The following SAFB variants were observed in gnomAD, a reference collection of about 807,000 sequenced individuals.
The protein encoded by SAFB is scaffold attachment factor B1.
In SAFB, 15 loss-of-function variants were observed where a neutral mutation model predicts 101.6. The observed-to-expected ratio is 0.15, with a 90% CI of 0.10 to 0.23. SAFB has a LOEUF of 0.23. SAFB is among the 10% of genes least tolerant of loss of function. The probability of loss-of-function intolerance (pLI) is 1.00; values close to 1 mark genes in which losing one functional copy is unlikely to be tolerated. For missense variants in SAFB, 930 were observed against 1,104.1 expected (o/e 0.84, Z 2.23); for synonymous variants, 449 against 407.5 (o/e 1.10, Z -1.23).
chr19:5,667,311 G>T lies in SAFB; in HGVS notation c.2454-36G>T. 1.4e-6 allele frequency: 2 copies of T among 1,422,276 alleles called. No individual in the cohort carries two copies. The highest frequency in any genetic ancestry group is 1.9e-6 in the Non-Finnish European group (2 of 1,065,700). 88.1% of individuals were successfully genotyped at this position (1,422,276 alleles called of 1,614,324 possible). ...AGTTATTAGCACAAGAGCCAGAGAT[G>T]GGGGCAATCCAAATCAGAGATGTCT... is the stretch of plus-strand genomic sequence containing the variant. On this transcript the variant is annotated intron_variant, in intron 18 of 20. Coordinates refer to ENST00000588852, the MANE Select transcript of SAFB (RefSeq NM_001201338.2). The surrounding 1 kb of genome is among the most constrained non-coding windows in gnomAD (Gnocchi z 4.0).
chr19:5,663,456 GTT>G, intron 15 of SAFB, among the ~76,000 whole-genome samples: 1 of 152,308 alleles, frequency 6.6e-6, no homozygotes, highest in Middle Eastern at 3.4e-3. Flanking sequence ...GCTGTTTGTT[GTT>G]TCTTTCTATT....
At chr19:5,641,568 C>T in intron 2 of SAFB, 26 bp from the exon 3 acceptor site, 1 of 1,600,694 alleles carries the variant, frequency 6.2e-7, no homozygotes, top group South Asian at 1.1e-5. Flanking sequence ...CATTTGATCT[C>T]ATGCTGTAAA....
chr19:5,629,328 G>A (rs1254002554), intron 2 of SAFB, among the ~76,000 whole-genome samples: 1 of 152,160 alleles, frequency 6.6e-6, no homozygotes, highest in East Asian at 1.9e-4. Flanking sequence ...CTACTAGGGA[G>A]GCCAAGGTAG....
At chr19:5,662,029 C>T (rs2054221557) in intron 15 of SAFB, among the ~76,000 whole-genome samples, 2 of 152,054 alleles carry the variant, frequency 1.3e-5, no homozygotes, top group South Asian at 4.1e-4. Flanking sequence ...GGACTACAGG[C>T]GTTTGCCACC....
Position 5,667,987 on chromosome 19 carries a change from C to G in SAFB, c.2624+101C>G. The G allele has an allele frequency of 6.9e-7, 1 of 1,439,570 alleles. No homozygotes were observed. The highest frequency in any genetic ancestry group is 2.3e-5 in the East Asian group (1 of 43,354). 89.2% of individuals were successfully genotyped at this position (1,439,570 alleles called of 1,614,324 possible). A position where few individuals can be genotyped will look rare whatever the true frequency, so the allele number is the denominator to read the frequency against. On this transcript the variant is annotated intron_variant, in intron 20 of 20. Transcript: ENST00000588852. This position sits in a 1 kb window ranked among gnomAD's most constrained non-coding sequence, Gnocchi z 4.0. Reference sequence around the variant, plus strand: ...AGTCCTTCCAGCTAGTGCCCCTCCCCCCAAGGGTGACGTGAGGCCAGGCAT... The same window carrying G: ...AGTCCTTCCAGCTAGTGCCCCTCCCGCCAAGGGTGACGTGAGGCCAGGCAT...
rs984561710 is a variant in SAFB, at chr19:5,659,099, G to A, written c.1862+1752G>A. Among the ~76,000 whole-genome samples the A allele has an allele frequency of 2.5e-3, 373 of 150,270 alleles. 1 individual carries two copies. Among genetic ancestry groups the A allele is most frequent in the African/African-American group, 8.8e-3 (359 of 40,878 alleles). The stretch of plus-strand genomic sequence containing the variant: ...GGAGGTTGCAGTGAGCCGAGATTGC[G>A]CCACTGCACTCCAACCTGGGTGACA... On this transcript the variant is annotated intron_variant, in intron 14 of 20. Coordinates refer to ENST00000588852, the MANE Select transcript of SAFB (RefSeq NM_001201338.2).
At chr19:5,624,691 T>G (rs2053311464) in intron 1 of SAFB, among the ~76,000 whole-genome samples, 1 of 141,238 alleles carries the variant, frequency 7.1e-6, no homozygotes, top group Non-Finnish European at 1.6e-5. Context: ...GTAGGGATTT[T>G]TTTTTTTTTT....
At chr19:5,663,002 A>T (rs936395716) in intron 15 of SAFB, among the ~76,000 whole-genome samples, 24 of 150,418 alleles carry the variant, frequency 1.6e-4, no homozygotes, top group East Asian at 4.0e-4. Context: ...ATAAAGAATT[A>T]AAAAAAAATT....
chr19:5,634,591 G>A (rs528270863), intron 2 of SAFB, among the ~76,000 whole-genome samples: 1 of 152,236 alleles, frequency 6.6e-6, no homozygotes, highest in South Asian at 2.1e-4. Flanking sequence ...AGAAAGGTAT[G>A]CAACAGTCTG....
intron 2 of SAFB, among the ~76,000 whole-genome samples, chr19:5,640,991 G>A (rs549102492): frequency 4.6e-4 from 69 of 150,384 alleles, no homozygotes; most frequent in African/African-American, 1.5e-3. Context: ...GTGCAGTGGC[G>A]CAGTCTCGGC....
At chr19:5,654,611 T>G (rs2054013074) in intron 13 of SAFB, among the ~76,000 whole-genome samples, 155 bp downstream of exon 13, 1 of 152,234 alleles carries the variant, frequency 6.6e-6, no homozygotes, top group Admixed American at 6.5e-5. Context: ...TGAGACAGGT[T>G]CTCACTCTGT....
Position 5,653,370 on chromosome 19 carries a change from T to G in SAFB, c.1476T>G (p.Ser492=), listed in dbSNP as rs1474497278. ...AKNEPVGKKT[S]DKRDSDGKKE... ...ATGAACCTGTGGGAAAGAAAACCTCTGACAAAAGAGACAGTGACGGGAAAA... is the reference window on the plus strand; with the variant it reads ...ATGAACCTGTGGGAAAGAAAACCTCGGACAAAAGAGACAGTGACGGGAAAA... Residue 492 remains serine (S), a synonymous_variant, in exon 11 of 21, where the codon TCT becomes TCG. Transcript: ENST00000588852. The G allele has an allele frequency of 1.2e-6, 2 of 1,614,174 alleles. No homozygotes were observed. The highest frequency in any genetic ancestry group is 1.7e-6 in the Non-Finnish European group (2 of 1,180,014).
Position 5,667,337 on chromosome 19 carries a change from CTCTT to C in SAFB, c.2454-7_2454-4del. The C allele has an allele frequency of 6.7e-7, 1 of 1,481,800 alleles. No homozygotes were observed. The highest frequency in any genetic ancestry group is 9.0e-7 in the Non-Finnish European group (1 of 1,116,072). The allele number at this position is 1,481,800 out of a possible 1,614,324, so 91.8% of individuals were successfully genotyped here. On this transcript the variant is annotated splice_polypyrimidine_tract_variant and splice_region_variant and intron_variant, in intron 18 of 20. Transcript: ENST00000588852. This position sits in a 1 kb window ranked among gnomAD's most constrained non-coding sequence, Gnocchi z 4.0. ...GGGGCAATCCAAATCAGAGATGTCT[CTCTT>C]TCAAGGGGCAGACGTGACTGGGGGG... is the stretch of plus-strand genomic sequence containing the variant.
At chr19:5,648,465 A>C in intron 6 of SAFB, 1 of 276,538 alleles carries the variant, frequency 3.6e-6, no homozygotes, top group South Asian at 4.0e-5. Context: ...TAAAACATAA[A>C]TTTGAGACAT....
At chr19:5,662,842 A>AT (rs1210715317) in intron 15 of SAFB, among the ~76,000 whole-genome samples, 1 of 151,308 alleles carries the variant, frequency 6.6e-6, no homozygotes, top group Non-Finnish European at 1.5e-5. Flanking sequence ...GGGTTTTGCC[A>AT]TGTTGGTCAG....
Position 5,664,118 on chromosome 19 carries a change from C to T in SAFB, c.2250C>T (p.Asp750=), listed in dbSNP as rs1014657272. 6.2e-7 allele frequency: 1 copy of T among 1,614,032 alleles called. No individual in the cohort carries two copies. Among genetic ancestry groups the T allele is most frequent in the Admixed American group, 1.7e-5 (1 of 60,024 alleles). The change falls in exon 16 of 21, where the codon GAC becomes GAT. Residue 750 remains aspartate (D), a synonymous_variant. Transcript: ENST00000588852. ...FNRQDRFHDF[D]HRDRGRYPDH... is the part of the protein sequence containing the mutation. ...GCCAGGACCGCTTCCACGACTTTGA[C>T]CACAGGGACCGCGGCCGCTACCCCG... is the stretch of plus-strand genomic sequence containing the variant.
At chr19:5,623,483 C>A in intron 1 of SAFB, 89 bp downstream of exon 1, 2 of 1,163,790 alleles carry the variant, frequency 1.7e-6, no homozygotes, top group Non-Finnish European at 2.4e-6. Context: ...CGTCCGCCCC[C>A]GGCCGCGTTC....
chr19:5,648,703 C>A (rs538665222), intron 6 of SAFB, among the ~76,000 whole-genome samples: 1 of 152,334 alleles, frequency 6.6e-6, no homozygotes, highest in African/African-American at 2.4e-5. Context: ...AGAGTCATAT[C>A]TAAACGACGA....
intron 14 of SAFB, among the ~76,000 whole-genome samples, chr19:5,659,628 G>A (rs970287721): frequency 9.2e-5 from 14 of 151,548 alleles, no homozygotes; most frequent in Middle Eastern, 3.4e-3. Context: ...TGATCCACCC[G>A]CATCGGCCTC....
Sources: allele counts gnomAD v4.1 joint callset (sites outside exome capture counted in the v4.1 genomes callset), GRCh38; gene constraint gnomAD v4.1.1; non-coding constraint Gnocchi (gnomAD v3.1); transcripts MANE v1.5; gene names NCBI Gene and HGNC (gene_info 2026-07-23, HGNC 2026-07-21).